Variants in SNTG1 observed in about 807,000 individuals in gnomAD.
SNTG1 encodes the protein syntrophin gamma 1, also known as gamma-1-syntrophin.
Under a neutral mutation model 74.7 loss-of-function variants are expected in SNTG1, and 39 were observed. The observed-to-expected ratio is 0.52, with a 90% CI of 0.40 to 0.68. The LOEUF is 0.68. Ranked by LOEUF, SNTG1 falls within the 30% of genes least tolerant of loss-of-function variation. The pLI is 0.00. For synonymous variants in SNTG1, 254 were observed against 217.1 expected (o/e 1.17, Z -1.49); for missense variants, 685 against 609.5 (o/e 1.12, Z -1.30).
intron 2 of SNTG1, among the ~76,000 whole-genome samples, chr8:50,179,841 T>C (rs978837687): frequency 5.9e-5 from 9 of 152,184 alleles, no homozygotes; most frequent in African/African-American, 2.2e-4. Flanking sequence ...AGAATGTAAA[T>C]TGGAACAGCT....
chr8:50,727,535 A>G (rs2095503075), intron 17 of SNTG1, among the ~76,000 whole-genome samples: 1 of 152,096 alleles, frequency 6.6e-6, no homozygotes, highest in South Asian at 2.1e-4. Flanking sequence ...GGGCCCATCC[A>G]GGTGCATTTT....
At chr8:50,668,769 A>G (rs889335068) in intron 15 of SNTG1, among the ~76,000 whole-genome samples, 2 of 151,956 alleles carry the variant, frequency 1.3e-5, no homozygotes, top group East Asian at 3.9e-4. Flanking sequence ...GCTGAGGATG[A>G]TGACTTCCAG....
intron 1 of SNTG1, among the ~76,000 whole-genome samples, chr8:49,954,913 T>A (rs952399042): frequency 6.6e-6 from 1 of 152,200 alleles, no homozygotes; most frequent in African/African-American, 2.4e-5. Flanking sequence ...AAATGTTTAT[T>A]TTCCAGTATT....
chr8:49,994,266 T>TTG (rs1232985808), intron 1 of SNTG1, among the ~76,000 whole-genome samples: 1 of 148,332 alleles, frequency 6.7e-6, no homozygotes, highest in Non-Finnish European at 1.5e-5. Context: ...CTTTTTTTTT[T>TTG]TTTTTTTGAG....
At chr8:50,517,504 TAAAG>T (rs1219070197) in intron 9 of SNTG1, among the ~76,000 whole-genome samples, 1 of 146,928 alleles carries the variant, frequency 6.8e-6, no homozygotes, top group Non-Finnish European at 1.5e-5. Flanking sequence ...GCAAATTGGA[TAAAG>T]AGTCAAGAAC....
intron 4 of SNTG1, among the ~76,000 whole-genome samples, chr8:50,419,535 G>C (rs896888358): frequency 2.0e-5 from 3 of 152,142 alleles, no homozygotes; most frequent in Non-Finnish European, 4.4e-5. Context: ...CAGTGATAAA[G>C]AAGCCATCGC....
At chr8:50,604,460 G>A in intron 13 of SNTG1, among the ~76,000 whole-genome samples, 1 of 152,016 alleles carries the variant, frequency 6.6e-6, no homozygotes, top group Non-Finnish European at 1.5e-5. Context: ...AATATACCTG[G>A]TGTTCTATTC....
At chr8:50,770,016 G>A (rs1329630323) in intron 18 of SNTG1, among the ~76,000 whole-genome samples, 1 of 152,062 alleles carries the variant, frequency 6.6e-6, no homozygotes, top group Non-Finnish European at 1.5e-5. Flanking sequence ...AAATCACAAA[G>A]AGTACAGGTT....
chr8:50,274,227 CA>C (rs907733773), intron 2 of SNTG1, among the ~76,000 whole-genome samples: 7 of 151,986 alleles, frequency 4.6e-5, no homozygotes, highest in Admixed American at 3.3e-4. Context: ...GCTGGGATTA[CA>C]GATGCAGGCC....
chr8:50,078,891 C>T (rs1363542192), intron 1 of SNTG1, among the ~76,000 whole-genome samples: 1 of 152,098 alleles, frequency 6.6e-6, no homozygotes, highest in Admixed American at 6.5e-5. Flanking sequence ...AGGACATGAA[C>T]TCATTTTTTA....
chr8:50,349,766 G>T (rs550592973), intron 2 of SNTG1, among the ~76,000 whole-genome samples: 2 of 152,120 alleles, frequency 1.3e-5, no homozygotes, highest in African/African-American at 4.8e-5. Flanking sequence ...GGCAGCCCTC[G>T]CAGCCCTCAC....
intron 1 of SNTG1, among the ~76,000 whole-genome samples, chr8:49,999,489 TG>T (rs1415723284): frequency 6.6e-6 from 1 of 152,222 alleles, no homozygotes; most frequent in Non-Finnish European, 1.5e-5. Context: ...AATTCAAGTC[TG>T]ATTAGTATCT....
intron 8 of SNTG1, among the ~76,000 whole-genome samples, chr8:50,490,576 T>C (rs527718391): frequency 1.3e-5 from 2 of 152,222 alleles, no homozygotes; most frequent in Non-Finnish European, 2.9e-5. Context: ...TTGTCTATTA[T>C]TGGTGTACAG....
At chr8:50,318,873 T>C (rs2130798651) in intron 2 of SNTG1, among the ~76,000 whole-genome samples, 1 of 152,242 alleles carries the variant, frequency 6.6e-6, no homozygotes, top group African/African-American at 2.4e-5. Flanking sequence ...CAAGGTGGTA[T>C]TACATATATT....
chr8:50,358,285 G>A (rs899515567), intron 2 of SNTG1, among the ~76,000 whole-genome samples: 6 of 152,174 alleles, frequency 3.9e-5, no homozygotes, highest in African/African-American at 1.4e-4. Context: ...TTGCAAGAAC[G>A]CTCACACTCC....
chr8:50,249,013 C>T (rs188859699), intron 2 of SNTG1, among the ~76,000 whole-genome samples: 151 of 152,240 alleles, frequency 9.9e-4, no homozygotes, highest in Non-Finnish European at 1.7e-3. Context: ...CCCAGTATAA[C>T]ACCATATAGA....
Position 50,658,622 on chromosome 8 carries a change from A to C in SNTG1, c.997A>C (p.Lys333Gln). The change falls in exon 15 of 19, where the codon AAA (lysine) becomes CAA (glutamine). Residue 333 changes from lysine to glutamine, a missense_variant. Lys to Gln is a moderately conservative substitution (Grantham distance 53, BLOSUM62 1). Transcript: ENST00000642720. ...CACCTGGGACTGGACGAGAGCAGAGAAAACATTCTCAGTTTATGAGATTAT... is the reference window on the plus strand; with the variant it reads ...CACCTGGGACTGGACGAGAGCAGAGCAAACATTCTCAGTTTATGAGATTAT... ...VTTWDWTRAE[K>Q]TFSVYEIMCK... 6.2e-7 allele frequency: 1 copy of C among 1,610,698 alleles called. No homozygotes were observed. Among genetic ancestry groups the C allele is most frequent in the South Asian group, 1.1e-5 (1 of 90,888 alleles).
chr8:50,367,463 A>C (rs1017238968), intron 2 of SNTG1, among the ~76,000 whole-genome samples: 4 of 152,092 alleles, frequency 2.6e-5, no homozygotes, highest in African/African-American at 7.2e-5. Context: ...CCTGCATATA[A>C]AATTTATTAT....
intron 1 of SNTG1, among the ~76,000 whole-genome samples, chr8:50,051,500 A>G (rs1219068835): frequency 6.6e-6 from 1 of 152,152 alleles, no homozygotes; most frequent in Non-Finnish European, 1.5e-5. Flanking sequence ...TTAAAGTGCC[A>G]CAAATGAGGT....
Sources: allele counts gnomAD v4.1 joint callset (sites outside exome capture counted in the v4.1 genomes callset), GRCh38; gene constraint gnomAD v4.1.1; transcripts MANE v1.5; gene names NCBI Gene and HGNC (gene_info 2026-07-23, HGNC 2026-07-21).